The following ZFYVE16 variants were observed in gnomAD, a reference collection of about 807,000 sequenced individuals.
The protein encoded by ZFYVE16 is zinc finger FYVE domain-containing protein 16.
A neutral mutation model predicts 138.1 loss-of-function variants in ZFYVE16; 89 were observed. The observed-to-expected ratio is 0.64, with a 90% CI of 0.54 to 0.77. ZFYVE16 has a LOEUF of 0.77. Among genes scored for constraint, ZFYVE16 ranks in the 30% least tolerant of loss-of-function variants. The pLI, the probability that ZFYVE16 is intolerant of heterozygous loss-of-function variation, is 0.00. For synonymous variants in ZFYVE16, 596 were observed against 618.3 expected (o/e 0.96, Z 0.53); for missense variants, 1,793 against 1,786.7 (o/e 1.00, Z -0.06).
chr5:80,420,722 T>C (rs1193571159), intron 1 of ZFYVE16, among the ~76,000 whole-genome samples: 1 of 152,208 alleles, frequency 6.6e-6, no homozygotes, highest in African/African-American at 2.4e-5. Context: ...TGGTTCCAAG[T>C]CTTTGCTATT....
chr5:80,467,462 C>G lies in ZFYVE16; in HGVS notation c.4025-5299C>G, dbSNP rs78679059. ...AAGCACATAAAGCTTCCAGCAAAGA[C>G]TAGGATAGTTATTAGTTTCAGGCAT... On this transcript the variant is annotated intron_variant, in intron 15 of 18. Transcript: ENST00000505560. Among the ~76,000 whole-genome samples, 803 of 152,286 alleles carry G rather than the reference C, an allele frequency of 5.3e-3. 5 individuals carry two copies. The highest frequency in any genetic ancestry group is 0.018 in the African/African-American group (741 of 41,558).
intron 5 of ZFYVE16, chr5:80,441,209 T>G (rs1469819323): frequency 1.0e-6 from 1 of 985,298 alleles, no homozygotes; most frequent in Non-Finnish European, 1.2e-6. Context: ...AAAAAGAAAT[T>G]AAACATCCAT....
At chr5:80,413,359 T>C (rs1224907982) in intron 1 of ZFYVE16, among the ~76,000 whole-genome samples, 1 of 150,058 alleles carries the variant, frequency 6.7e-6, no homozygotes, top group African/African-American at 2.5e-5. Flanking sequence ...TAATCCCAGC[T>C]ACTTGGGAGG....
chr5:80,481,730 A>G lies in ZFYVE16; in HGVS notation c.*4353A>G, dbSNP rs2112581067. Among the ~76,000 whole-genome samples the G allele has an allele frequency of 6.6e-6, 1 of 152,352 alleles. No individual in the cohort carries two copies. The highest frequency in any genetic ancestry group is 2.1e-4 in the South Asian group (1 of 4,826). ...TTGGACAAAGAACTTGTGAAACCTA[A>G]GCAACTCTCTAGGGAAAAGACAATG... On this transcript the variant is annotated 3_prime_UTR_variant, in exon 19 of 19. Transcript: ENST00000505560.
chr5:80,457,232 C>A, intron 14 of ZFYVE16, 140 bp downstream of exon 14: 1 of 1,264,764 alleles, frequency 7.9e-7, no homozygotes, highest in Non-Finnish European at 1.1e-6. Flanking sequence ...TTCAGCTACA[C>A]AACAGATTTT....
In ZFYVE16 at chr5:80,450,460, A is replaced by G; in HGVS notation, c.3256A>G (p.Thr1086Ala). Residue 1086 changes from threonine (T) to alanine (A), a missense_variant, in exon 10 of 19, where the codon ACC (threonine) becomes GCC (alanine). Thr to Ala is a moderately conservative substitution (Grantham distance 58). This residue lies in a region of ZFYVE16 where 498 missense variants were observed against 582.4 expected (regional missense o/e 0.86). Transcript: ENST00000505560. The stretch of plus-strand genomic sequence containing the variant: ...CTCAGACAAATATTGGTACTTTTCA[A>G]CCAATGGATTGCATGGCTTGGGACA... ...YSSDKYWYFS[T>A]NGLHGLGQAE... is the part of the protein sequence containing the mutation. The G allele has an allele frequency of 2.5e-6, 4 of 1,613,604 alleles. No homozygotes were observed. Among genetic ancestry groups the G allele is most frequent in the Non-Finnish European group, 3.4e-6 (4 of 1,179,720 alleles).
intron 1 of ZFYVE16, among the ~76,000 whole-genome samples, chr5:80,411,410 T>G (rs571272491): frequency 1.8e-4 from 27 of 152,344 alleles, no homozygotes; most frequent in Admixed American, 3.3e-4. Context: ...TTCATATTTT[T>G]TTACTATGCA....
chr5:80,443,847 T>G (rs1003067929), intron 6 of ZFYVE16: 1 of 456,126 alleles, frequency 2.2e-6, no homozygotes. Context: ...GTCTGGGAAT[T>G]GCACTTTCCA....
chr5:80,446,969 G>T (rs898669589), intron 7 of ZFYVE16, among the ~76,000 whole-genome samples: 1 of 152,002 alleles, frequency 6.6e-6, no homozygotes, highest in East Asian at 1.9e-4. Context: ...TATTAGAAAA[G>T]ATGGATACTA....
At chr5:80,467,672 C>T (rs1265568213) in intron 15 of ZFYVE16, among the ~76,000 whole-genome samples, 2 of 152,178 alleles carry the variant, frequency 1.3e-5, no homozygotes, top group Non-Finnish European at 2.9e-5. Context: ...AGAGTTGCCT[C>T]ATTAATTATT....
At chr5:80,441,213 C>T (rs1170345799) in intron 5 of ZFYVE16, 4 of 985,266 alleles carry the variant, frequency 4.1e-6, no homozygotes, top group Admixed American at 6.2e-5. Context: ...AGAAATTAAA[C>T]ATCCATGAAG....
rs1751769270 is a variant in ZFYVE16, at chr5:80,449,614, T to A, written c.3127T>A (p.Ser1043Thr). ...AGTGCCTGTAGTAGAAGAACATCCA[T>A]CTCATGAGCAGATCATTTTGCTTCT... is the stretch of plus-strand genomic sequence containing the variant. Reference protein sequence around the residue: ...GSVPVVEEHPSHEQIILLLEG... With the variant: ...GSVPVVEEHPTHEQIILLLEG... Residue 1043 changes from serine (S) to threonine (T), a missense_variant, in exon 9 of 19, where the codon TCT (serine) becomes ACT (threonine). By Grantham distance (58) the Ser-to-Thr change is moderately conservative. Around this residue, in one of 2 missense-constraint regions of ZFYVE16, gnomAD observed 1,295 missense variants for 1,204.3 expected, o/e 1.08. Coordinates refer to ENST00000505560, the MANE Select transcript of ZFYVE16 (RefSeq NM_001284236.3). The A allele has an allele frequency of 2.5e-6, 4 of 1,610,524 alleles. No individual in the cohort carries two copies. Among genetic ancestry groups the A allele is most frequent in the Non-Finnish European group, 3.4e-6 (4 of 1,178,558 alleles).
chr5:80,407,720 C>G (rs961389857), upstream of ZFYVE16, among the ~76,000 whole-genome samples: 6 of 152,218 alleles, frequency 3.9e-5, no homozygotes, highest in Non-Finnish European at 7.3e-5. Context: ...AGGGCTAAGG[C>G]TGGAGCCGGG....
At chr5:80,421,774 G>A (rs1747225042) in intron 1 of ZFYVE16, among the ~76,000 whole-genome samples, 2 of 152,130 alleles carry the variant, frequency 1.3e-5, no homozygotes, top group Non-Finnish European at 2.9e-5. Flanking sequence ...TCTCGGCAAT[G>A]CGGGCCCTTT....
At chr5:80,456,918 A>G in intron 13 of ZFYVE16, 27 bp from the exon 14 acceptor site, 3 of 1,577,190 alleles carry the variant, frequency 1.9e-6, no homozygotes, top group Non-Finnish European at 2.6e-6. Flanking sequence ...TTTCTAAATA[A>G]ATGTTGTTGT....
intron 1 of ZFYVE16, among the ~76,000 whole-genome samples, chr5:80,417,360 C>T (rs1388279816): frequency 1.3e-5 from 2 of 152,168 alleles, no homozygotes; most frequent in Admixed American, 1.3e-4. Context: ...TAGGATCCCC[C>T]ATTCTCCTAA....
intron 15 of ZFYVE16, among the ~76,000 whole-genome samples, chr5:80,465,400 GTTTTTTTTTTT>G (rs3072097): frequency 1.1e-4 from 3 of 26,780 alleles, no homozygotes; most frequent in Non-Finnish European, 1.5e-4. Flanking sequence ...CCTTTTCTTT[GTTTTTTTTTTT>G]TTTTTTTTTT....
chr5:80,418,741 T>C (rs1248674910), intron 1 of ZFYVE16, among the ~76,000 whole-genome samples: 1 of 152,190 alleles, frequency 6.6e-6, no homozygotes, highest in South Asian at 2.1e-4. Flanking sequence ...ACAGTATCTT[T>C]TGCAGAGTGC....
chr5:80,456,695 A>G, intron 13 of ZFYVE16, 130 bp downstream of exon 13: 1 of 920,098 alleles, frequency 1.1e-6, no homozygotes, highest in Non-Finnish European at 1.6e-6. Flanking sequence ...TGTTTTTGAA[A>G]TGATAGAATT....
Sources: gnomAD v4.1 joint callset for allele counts (sites outside exome capture counted in the v4.1 genomes callset) on GRCh38, gnomAD v4.1.1 for gene constraint, gnomAD v4.1.1 regional missense constraint, MANE v1.5 for transcripts, NCBI Gene and HGNC (gene_info 2026-07-23, HGNC 2026-07-21) for gene names.